SNTB2: variants seen among roughly 807,000 people sequenced by gnomAD.
The protein encoded by SNTB2 is syntrophin beta 2.
In SNTB2, 34 loss-of-function variants were observed where a neutral mutation model predicts 46.2. The ratio of observed to expected loss-of-function variants is 0.74; its 90% confidence interval spans 0.56 to 0.98. The LOEUF is 0.98. Ranked by LOEUF, SNTB2 falls within the 50% of genes least tolerant of loss-of-function variation. The pLI is 0.00. For synonymous variants in SNTB2, 290 were observed against 312.6 expected (o/e 0.93, Z 0.76); for missense variants, 603 against 731.4 (o/e 0.82, Z 2.02).
chr16:69,221,949 T>C (rs1260357557), intron 1 of SNTB2, among the ~76,000 whole-genome samples: 1 of 152,236 alleles, frequency 6.6e-6, no homozygotes, highest in Non-Finnish European at 1.5e-5. Context: ...CAAAACCTAC[T>C]GAAGCCTCTG....
At chr16:69,295,487 A>G (rs1211206654) in intron 5 of SNTB2, among the ~76,000 whole-genome samples, 1 of 151,474 alleles carries the variant, frequency 6.6e-6, no homozygotes, top group Non-Finnish European at 1.5e-5. Context: ...TGACCTTGTG[A>G]TCCACCCGCC....
At chr16:69,250,860 A>G (rs1964718430) in intron 2 of SNTB2, among the ~76,000 whole-genome samples, 1 of 152,068 alleles carries the variant, frequency 6.6e-6, no homozygotes, top group Non-Finnish European at 1.5e-5. Context: ...TGGACACACC[A>G]GGTGACAGAG....
intron 1 of SNTB2, among the ~76,000 whole-genome samples, chr16:69,244,403 G>A (rs1334970999): frequency 6.6e-6 from 1 of 152,180 alleles, no homozygotes; most frequent in Non-Finnish European, 1.5e-5. Flanking sequence ...TCTAGGAATG[G>A]AGACAGGGTA....
At chr16:69,300,431 T>C (rs769178667) in intron 6 of SNTB2, among the ~76,000 whole-genome samples, 11 of 152,126 alleles carry the variant, frequency 7.2e-5, no homozygotes, top group Admixed American at 2.0e-4. Flanking sequence ...TTCGTATTTT[T>C]AGTAGAGATG....
chr16:69,227,841 ATTT>A (rs60387965), intron 1 of SNTB2, among the ~76,000 whole-genome samples: 36 of 115,890 alleles, frequency 3.1e-4, no homozygotes, highest in African/African-American at 5.3e-4. Context: ...GTTTCTCTGG[ATTT>A]TTTTTTTTTT....
At chr16:69,280,512 C>G (rs1310212500) in intron 4 of SNTB2, among the ~76,000 whole-genome samples, 2 of 151,240 alleles carry the variant, frequency 1.3e-5, no homozygotes, top group Non-Finnish European at 1.5e-5. Flanking sequence ...ACCTCCCTCC[C>G]GGATGGGGCG....
chr16:69,234,408 T>TACTA (rs762461226), intron 1 of SNTB2, among the ~76,000 whole-genome samples: 1 of 152,196 alleles, frequency 6.6e-6, no homozygotes, highest in Non-Finnish European at 1.5e-5. Flanking sequence ...CAATATGGAA[T>TACTA]ACTATATAGC....
intron 3 of SNTB2, 38 bp from the exon 4 acceptor site, chr16:69,270,105 T>C: frequency 6.2e-7 from 1 of 1,613,456 alleles, no homozygotes; most frequent in Non-Finnish European, 8.5e-7. Context: ...GACGTGATTA[T>C]AGTTAGCCCT....
chr16:69,293,271 C>T (rs1311390249), intron 5 of SNTB2, among the ~76,000 whole-genome samples: 1 of 152,032 alleles, frequency 6.6e-6, no homozygotes, highest in East Asian at 1.9e-4. Flanking sequence ...TTTGACTGAC[C>T]CAGAAGCTGT....
chr16:69,287,550 A>G lies in SNTB2; in HGVS notation c.1345+3306A>G, dbSNP rs539930075. ...GCGCCACTGCACTCCAAGCTGGGAG[A>G]TAGAGTGAGACTGTTTCCAAAAATA... On this transcript the variant is annotated intron_variant, in intron 5 of 6. Transcript: ENST00000336278. Among the ~76,000 whole-genome samples the G allele has an allele frequency of 2.0e-5, 3 of 152,152 alleles. No homozygotes were observed. In the East Asian group the frequency reaches 5.8e-4, roughly 29 times the overall value.
intron 1 of SNTB2, among the ~76,000 whole-genome samples, chr16:69,215,446 G>C (rs553234429): frequency 1.3e-5 from 2 of 152,156 alleles, no homozygotes; most frequent in African/African-American, 2.4e-5. Flanking sequence ...TGGTTCATAC[G>C]TGTATGTTCT....
chr16:69,300,595 G>A (rs1446926363), intron 6 of SNTB2, among the ~76,000 whole-genome samples: 1 of 152,180 alleles, frequency 6.6e-6, no homozygotes. Flanking sequence ...ACCAGGCATG[G>A]TGAAACCCAG....
At chr16:69,285,478 T>C (rs1965093869) in intron 5 of SNTB2, among the ~76,000 whole-genome samples, 2 of 147,550 alleles carry the variant, frequency 1.4e-5, no homozygotes, top group Non-Finnish European at 3.0e-5. Flanking sequence ...TTTATTTATT[T>C]ATTTATTTAT....
At chr16:69,223,009 C>T (rs759749298) in intron 1 of SNTB2, among the ~76,000 whole-genome samples, 3 of 152,006 alleles carry the variant, frequency 2.0e-5, no homozygotes, top group Non-Finnish European at 4.4e-5. Flanking sequence ...GTCTCAAACT[C>T]CTAACCTCAG....
chr16:69,187,765 G>GT lies in SNTB2; in HGVS notation c.580+19_580+20insT. The GT allele has an allele frequency of 2.5e-6, 3 of 1,203,204 alleles. No individual in the cohort carries two copies. The highest frequency in any genetic ancestry group is 3.3e-6 in the Non-Finnish European group (3 of 908,614). The allele number at this position is 1,203,204 out of a possible 1,614,324, so 74.5% of individuals were successfully genotyped here. Reference sequence around the variant, plus strand: ...CTGGAGGGTGAGCGGGGCCGGGCGGGAGGGTGGGCAGGCCGCGGCGGCCTG... The same window carrying GT: ...CTGGAGGGTGAGCGGGGCCGGGCGGGTAGGGTGGGCAGGCCGCGGCGGCCTG... On this transcript the variant is annotated intron_variant, in intron 1 of 6. Coordinates refer to ENST00000336278, the MANE Select transcript of SNTB2 (RefSeq NM_006750.4).
intron 1 of SNTB2, among the ~76,000 whole-genome samples, chr16:69,203,446 C>T (rs7199228): frequency 0.025 from 3,805 of 152,210 alleles, 161 homozygotes; most frequent in African/African-American, 0.086. Flanking sequence ...TTAAGCAATC[C>T]TCCTGCCTTA....
At chr16:69,242,065 G>A (rs1964621933) in intron 1 of SNTB2, 1 of 151,880 alleles carries the variant, frequency 6.6e-6, no homozygotes, top group South Asian at 2.1e-4. Context: ...GTTGGATTTT[G>A]GATCCTATCC....
intron 5 of SNTB2, 62 bp downstream of exon 5, chr16:69,284,306 C>T: frequency 2.2e-6 from 3 of 1,389,332 alleles, no homozygotes; most frequent in Non-Finnish European, 2.9e-6. Context: ...TAGTCATGTG[C>T]TGCATAATGA....
rs149161221 is a variant in SNTB2 at position 69,264,125 on chromosome 16, G to A, written c.1005+3865G>A. ...GCTTTTCTCATTAATGCCCAGGCCT[G>A]GGTCTCCCACAGTCGCGAAGAGGCA... On this transcript the variant is annotated intron_variant, in intron 3 of 6. Coordinates refer to ENST00000336278, the MANE Select transcript of SNTB2 (RefSeq NM_006750.4). Among the ~76,000 whole-genome samples, 34 of 152,214 alleles carry A rather than the reference G, an allele frequency of 2.2e-4. No individual in the cohort carries two copies. The East Asian group carries it at 6.4e-3, about 29-fold the overall frequency.
Sources: gnomAD v4.1 joint callset for allele counts (sites outside exome capture counted in the v4.1 genomes callset) on GRCh38, gnomAD v4.1.1 for gene constraint, MANE v1.5 for transcripts, NCBI Gene and HGNC (gene_info 2026-07-23, HGNC 2026-07-21) for gene names.